The following AURKB variants were observed in gnomAD, a reference collection of about 807,000 sequenced individuals.
AURKB encodes aurora kinase B, also known as aurora kinase B-Sv1.
Under a neutral mutation model 36.5 loss-of-function variants are expected in AURKB, and 28 were observed. The observed-to-expected ratio is 0.77, with a 90% CI of 0.57 to 1.05. AURKB has a LOEUF of 1.05. Ranked by LOEUF, AURKB falls within the 50% of genes least tolerant of loss-of-function variation. The pLI, the probability that AURKB is intolerant of heterozygous loss-of-function variation, is 0.00. For synonymous variants in AURKB, 175 were observed against 172.9 expected (o/e 1.01, Z -0.09); for missense variants, 383 against 447.4 (o/e 0.86, Z 1.30).
chr17:8,206,794 C>A lies in AURKB; in HGVS notation c.493G>T (p.Glu165Ter). The A allele has an allele frequency of 1.2e-6, 2 of 1,614,198 alleles. No homozygotes were observed. Among genetic ancestry groups the A allele is most frequent in the African/African-American group, 1.3e-5 (1 of 75,044 alleles). ...TCAAATGTGCAGCTCTTCTGCAGCT[C>A]CTTGTAGAGCTCCCCGCGGGGGGCA... is the stretch of plus-strand genomic sequence containing the variant. ...EYAPRGELYK[E>*]LQKSCTFDEQ... The change falls in exon 6 of 9, where the codon GAG (glutamate) becomes TAG (stop). Residue 165 changes from glutamate (E) to a stop codon, truncating the protein, a stop_gained. Transcript: ENST00000585124. LOFTEE classifies it high-confidence loss of function. This position sits in a 1 kb window ranked among gnomAD's most constrained non-coding sequence, Gnocchi z 4.2.
rs1189948451 is a variant in AURKB, at chr17:8,210,234, G to T, written c.-10C>A. On this transcript the variant is annotated 5_prime_UTR_variant, in exon 2 of 9. Transcript: ENST00000585124. ...TCTCCTTCTGGGCCATCCTTAGAGAGAAAGGGGGAGGAGAGCTGGGCGGAG... is the reference window on the plus strand; with the variant it reads ...TCTCCTTCTGGGCCATCCTTAGAGATAAAGGGGGAGGAGAGCTGGGCGGAG... 2 of 1,600,616 alleles carry T rather than the reference G, an allele frequency of 1.2e-6. No individual in the cohort carries two copies. The highest frequency in any genetic ancestry group is 1.7e-6 in the Non-Finnish European group (2 of 1,173,472).
rs745673717 is a variant in AURKB, at chr17:8,206,811, C to CG, written c.475dup (p.Arg159ProfsTer15). 6.2e-7 allele frequency: 1 copy of CG among 1,614,128 alleles called. No homozygotes were observed. The highest frequency in any genetic ancestry group is 1.3e-5 in the African/African-American group (1 of 75,036). On this transcript the variant is annotated frameshift_variant, in exon 6 of 9. Coordinates refer to ENST00000585124, the MANE Select transcript of AURKB (RefSeq NM_004217.4). LOFTEE classifies it high-confidence loss of function. This position sits in a 1 kb window ranked among gnomAD's most constrained non-coding sequence, Gnocchi z 4.2. Reference sequence around the variant, plus strand: ...CTGCAGCTCCTTGTAGAGCTCCCCGCGGGGGGCATACTCTAGAATCAAGTA... The same window carrying CG: ...CTGCAGCTCCTTGTAGAGCTCCCCGCGGGGGGGCATACTCTAGAATCAAGTA...
chr17:8,204,742 A>G lies in AURKB; in HGVS notation c.*129T>C, dbSNP rs1597342129. 1 of 1,310,420 alleles carries G rather than the reference A, an allele frequency of 7.6e-7. No individual in the cohort carries two copies. Among genetic ancestry groups the G allele is most frequent in the East Asian group, 2.4e-5 (1 of 42,488 alleles). The allele number at this position is 1,310,420 out of a possible 1,614,324, so 81.2% of individuals were successfully genotyped here. A position where few individuals can be genotyped will look rare whatever the true frequency, so the allele number is the denominator to read the frequency against. On this transcript the variant is annotated 3_prime_UTR_variant, in exon 9 of 9. Transcript: ENST00000585124. Reference sequence around the variant, plus strand: ...AGAAACATCTACACTCATGAGTACAAAAAGCTTCAGCCTTTATTAAACAAA... The same window carrying G: ...AGAAACATCTACACTCATGAGTACAGAAAGCTTCAGCCTTTATTAAACAAA...
Position 8,206,318 on chromosome 17 carries a change from A to G in AURKB, c.686+173T>C, listed in dbSNP as rs1246703992. 6.6e-6 allele frequency among the ~76,000 whole-genome samples: 1 copy of G among 151,304 alleles called. No individual in the cohort carries two copies. The highest frequency in any genetic ancestry group is 1.5e-5 in the Non-Finnish European group (1 of 67,890). ...GCTAATTTTTGTATATTTAGTAGAG[A>G]CAAGGTTTCATCATGTTGGCAAATC... On this transcript the variant is annotated intron_variant, in intron 7 of 8. Transcript: ENST00000585124. This position sits in a 1 kb window ranked among gnomAD's most constrained non-coding sequence, Gnocchi z 4.2.
In AURKB at chr17:8,206,394, G is replaced by A. The variant is rs1985279979; in HGVS notation, c.686+97C>T. 6.7e-7 allele frequency: 1 copy of A among 1,488,146 alleles called. No individual in the cohort carries two copies. 92.2% of individuals were successfully genotyped at this position (1,488,146 alleles called of 1,614,324 possible). A position where few individuals can be genotyped will look rare whatever the true frequency, so the allele number is the denominator to read the frequency against. On this transcript the variant is annotated intron_variant, in intron 7 of 8. Coordinates refer to ENST00000585124, the MANE Select transcript of AURKB (RefSeq NM_004217.4). The surrounding 1 kb of genome is among the most constrained non-coding windows in gnomAD (Gnocchi z 4.2). Reference sequence around the variant, plus strand: ...GATCCGCCCTCCTCGGCCTCCCAAAGTGCTGGGATTACAGGTGTGAGCCAC... The same window carrying A: ...GATCCGCCCTCCTCGGCCTCCCAAAATGCTGGGATTACAGGTGTGAGCCAC...
chr17:8,210,089 G>C, intron 2 of AURKB, 88 bp downstream of exon 2: 1 of 1,514,896 alleles, frequency 6.6e-7, no homozygotes, highest in Non-Finnish European at 9.1e-7. Flanking sequence ...AGTGCTTAAA[G>C]GATTGCTCAT....
rs188643614 is a variant in AURKB, at chr17:8,206,654, G to A, written c.538-15C>T. 3.6e-4 allele frequency: 581 copies of A among 1,614,096 alleles called. 8 individuals carry two copies. The East Asian group carries it at 0.012, about 34-fold the overall frequency. Reference sequence around the variant, plus strand: ...TCCTCCATGATCTGGGAGGGGCAACGACAGGCAATCAGACAAGGATGGACC... The same window carrying A: ...TCCTCCATGATCTGGGAGGGGCAACAACAGGCAATCAGACAAGGATGGACC... On this transcript the variant is annotated splice_polypyrimidine_tract_variant and intron_variant, in intron 6 of 8. Coordinates refer to ENST00000585124, the MANE Select transcript of AURKB (RefSeq NM_004217.4). The surrounding 1 kb of genome is among the most constrained non-coding windows in gnomAD (Gnocchi z 4.2).
chr17:8,209,881 GC>G (rs1985874287), intron 2 of AURKB: 1 of 498,510 alleles, frequency 2.0e-6, no homozygotes, highest in Non-Finnish European at 3.5e-6. Context: ...GGGAATCATG[GC>G]CTGAAGGCCA....
intron 7 of AURKB, 62 bp from the exon 8 acceptor site, chr17:8,205,452 T>C: frequency 6.4e-7 from 1 of 1,565,718 alleles, no homozygotes. Context: ...CTTTCCCTGC[T>C]GCCTGACGGC....
rs953116938 is a variant in AURKB, at chr17:8,206,692, C to G, written c.538-53G>C. 1 of 1,613,362 alleles carries G rather than the reference C, an allele frequency of 6.2e-7. No homozygotes were observed. Among genetic ancestry groups the G allele is most frequent in the African/African-American group, 1.3e-5 (1 of 74,930 alleles). On this transcript the variant is annotated intron_variant, in intron 6 of 8. Coordinates refer to ENST00000585124, the MANE Select transcript of AURKB (RefSeq NM_004217.4). This position sits in a 1 kb window ranked among gnomAD's most constrained non-coding sequence, Gnocchi z 4.2. ...ACAAGGATGGACCTCCAGCTACAAG[C>G]AGCACACCCTCAGCCTCGAGCCCCC...
Position 8,206,630 on chromosome 17 carries a change from C to T in AURKB, c.547G>A (p.Glu183Lys), listed in dbSNP as rs1024089548. 2.5e-6 allele frequency: 4 copies of T among 1,614,090 alleles called. No homozygotes were observed. Among genetic ancestry groups the T allele is most frequent in the Non-Finnish European group, 3.4e-6 (4 of 1,180,052 alleles). The change falls in exon 7 of 9, where the codon GAG becomes AAG. Residue 183 changes from glutamate (E) to lysine (K), a missense_variant. Physicochemically the swap from Glu to Lys is moderately conservative, Grantham distance 56. Transcript: ENST00000585124. The surrounding 1 kb of genome is among the most constrained non-coding windows in gnomAD (Gnocchi z 4.2). ...CAGTACATTAGAGCATCTGCCAACT[C>T]CTCCATGATCTGGGAGGGGCAACGA... ...DEQRTATIMEELADALMYCHG... is the reference protein window; with the variant it reads ...DEQRTATIMEKLADALMYCHG...
chr17:8,205,456 T>G (rs956211021), intron 7 of AURKB, 66 bp from the exon 8 acceptor site: 116 of 1,559,156 alleles, frequency 7.4e-5, no homozygotes, highest in Non-Finnish European at 9.1e-5. Flanking sequence ...CCCTGCTGCC[T>G]GACGGCTGGG....
rs778473673 is a variant in AURKB at position 8,206,803 on chromosome 17, G to C, written c.484C>G (p.Leu162Val). The change falls in exon 6 of 9, where the codon CTC (leucine) becomes GTC (valine). Residue 162 changes from leucine (L) to valine (V), a missense_variant. Leu to Val is a conservative substitution (Grantham distance 32). Transcript: ENST00000585124. The surrounding 1 kb of genome is among the most constrained non-coding windows in gnomAD (Gnocchi z 4.2). Reference sequence around the variant, plus strand: ...CAGCTCTTCTGCAGCTCCTTGTAGAGCTCCCCGCGGGGGGCATACTCTAGA... The same window carrying C: ...CAGCTCTTCTGCAGCTCCTTGTAGACCTCCCCGCGGGGGGCATACTCTAGA... ...LILEYAPRGE[L>V]YKELQKSCTF... 2.5e-6 allele frequency: 4 copies of C among 1,614,234 alleles called. No individual in the cohort carries two copies. The East Asian group carries it at 8.9e-5, about 36-fold the overall frequency.
intron 1 of AURKB, 42 bp from the exon 2 acceptor site, chr17:8,210,291 G>C (rs368310869): frequency 7.7e-6 from 10 of 1,302,054 alleles, no homozygotes; most frequent in Non-Finnish European, 1.1e-5. Flanking sequence ...CAGAGAAAAA[G>C]AGAGAGAGAG....
chr17:8,205,301 A>G lies in AURKB; in HGVS notation c.776T>C (p.Ile259Thr), dbSNP rs750194641. ...MHNEKVDLWC[I>T]GVLCYELLVG... is the part of the protein sequence containing the mutation. ...CAGCAGCTCATAGCAAAGCACTCCA[A>G]TGCACCACAGATCCACCTTCTCATT... is the stretch of plus-strand genomic sequence containing the variant. The change falls in exon 8 of 9, where the codon ATT becomes ACT. Residue 259 changes from isoleucine (I) to threonine (T), a missense_variant. Around this residue, in one of 3 missense-constraint regions of AURKB, gnomAD observed 219 missense variants for 252.6 expected, o/e 0.87. Transcript: ENST00000585124. The G allele has an allele frequency of 1.8e-5, 29 of 1,614,036 alleles. No individual in the cohort carries two copies. Among genetic ancestry groups the G allele is most frequent in the South Asian group, 3.3e-5 (3 of 91,084 alleles).
rs533194853 is a variant in AURKB at position 8,210,127 on chromosome 17, A to G, written c.48+50T>C. ...CAGGATCTCAAGTTTCCCAGCAGGAACTCGCCATGCGGGGTCATGGGGGCG... is the reference window on the plus strand; with the variant it reads ...CAGGATCTCAAGTTTCCCAGCAGGAGCTCGCCATGCGGGGTCATGGGGGCG... On this transcript the variant is annotated intron_variant, in intron 2 of 8. Transcript: ENST00000585124. The G allele has an allele frequency of 2.6e-4, 412 of 1,604,274 alleles. 5 individuals carry two copies. The highest frequency in any genetic ancestry group is 2.3e-3 in the South Asian group (210 of 90,552).
At chr17:8,210,305 G>A (rs575128514) in intron 1 of AURKB, 56 bp from the exon 2 acceptor site, 10 of 1,325,220 alleles carry the variant, frequency 7.5e-6, no homozygotes, top group African/African-American at 7.3e-5. Flanking sequence ...GAGAGAGGGA[G>A]GGGTTGGACC....
rs774110689 is a variant in AURKB, at chr17:8,207,358, G to A, written c.216C>T (p.Phe72=). The A allele has an allele frequency of 2.5e-6, 4 of 1,613,364 alleles. No homozygotes were observed. Among genetic ancestry groups the A allele is most frequent in the Non-Finnish European group, 3.4e-6 (4 of 1,179,378 alleles). Residue 72 remains phenylalanine, a synonymous_variant, in exon 5 of 9, where the codon TTC becomes TTT. Transcript: ENST00000585124. The part of the protein sequence containing the change: ...SGTPDILTRH[F]TIDDFEIGRP... ...GCCCAATCTCAAAGTCATCAATTGTGAAGTGCCGCCTGCTTAGAAAGTGGA... is the reference window on the plus strand; with the variant it reads ...GCCCAATCTCAAAGTCATCAATTGTAAAGTGCCGCCTGCTTAGAAAGTGGA...
chr17:8,207,521 C>T lies in AURKB; in HGVS notation c.206+50G>A, dbSNP rs770176162. The T allele has an allele frequency of 3.8e-6, 6 of 1,598,810 alleles. No homozygotes were observed. In the African/African-American group the frequency reaches 6.7e-5, roughly 18 times the overall value. Reference sequence around the variant, plus strand: ...AGGTTTTATCTCCCCGACTTCCTGCCTGTTCATTGTCCCCTCACCCCCGTC... The same window carrying T: ...AGGTTTTATCTCCCCGACTTCCTGCTTGTTCATTGTCCCCTCACCCCCGTC... On this transcript the variant is annotated intron_variant, in intron 4 of 8. Transcript: ENST00000585124.
Sources: gnomAD v4.1 joint callset for allele counts (sites outside exome capture counted in the v4.1 genomes callset) on GRCh38, gnomAD v4.1.1 for gene constraint, gnomAD v4.1.1 regional missense constraint, Gnocchi (gnomAD v3.1) non-coding constraint, MANE v1.5 for transcripts, NCBI Gene and HGNC (gene_info 2026-07-23, HGNC 2026-07-21) for gene names.